Variants in HELLS observed in about 807,000 individuals in gnomAD.
HELLS encodes lymphoid-specific helicase.
A neutral mutation model predicts 120.0 loss-of-function variants in HELLS; 32 were observed. That is an observed-to-expected ratio of 0.27 (90% CI 0.20 to 0.36). HELLS has a LOEUF of 0.36. HELLS is among the 10% of genes least tolerant of loss of function. The probability of loss-of-function intolerance (pLI) is 1.00; values close to 1 mark genes in which losing one functional copy is unlikely to be tolerated. For synonymous variants in HELLS, 341 were observed against 323.4 expected, an observed-to-expected ratio of 1.05 and a Z score of -0.58; for missense variants, 650 against 993.4, an observed-to-expected ratio of 0.65 and a Z score of 4.65.
intron 13 of HELLS, among the ~76,000 whole-genome samples, chr10:94,589,671 TC>T (rs886442045): frequency 1.4e-5 from 2 of 140,776 alleles, no homozygotes; most frequent in African/African-American, 2.7e-5. Context: ...CAGACTCTTC[TC>T]CCCCCGACTT....
chr10:94,565,812 A>T, intron 6 of HELLS, among the ~76,000 whole-genome samples: 1 of 152,210 alleles, frequency 6.6e-6, no homozygotes, highest in Non-Finnish European at 1.5e-5. Context: ...TAGGTGGATG[A>T]AATCCATTAG....
intron 21 of HELLS, among the ~76,000 whole-genome samples, chr10:94,598,031 A>G (rs1845827684): frequency 6.6e-6 from 1 of 151,032 alleles, no homozygotes; most frequent in Non-Finnish European, 1.5e-5. Context: ...CAGTTTTTAG[A>G]ATACCACCTT....
At chr10:94,571,206 T>G (rs1169102337) in intron 6 of HELLS, 182 bp from the exon 7 acceptor site, 1 of 462,614 alleles carries the variant, frequency 2.2e-6, no homozygotes, top group East Asian at 4.1e-5. Flanking sequence ...GCCTAGAATG[T>G]TATGAAATAT....
chr10:94,594,612 C>A, intron 18 of HELLS, 83 bp from the exon 19 acceptor site: 1 of 1,025,324 alleles, frequency 9.8e-7, no homozygotes, highest in Non-Finnish European at 1.4e-6. Context: ...CTGGCTAGAT[C>A]ATTCATGTTG....
Position 94,548,034 on chromosome 10 carries a change from A to T in HELLS, c.153+1536A>T, listed in dbSNP as rs1014930019. ...CTTTTCTCATTCTTTGAATTTTCAT[A>T]GTACTTTATTACACAGAATTTACCA... On this transcript the variant is annotated intron_variant, in intron 2 of 21. Coordinates refer to ENST00000348459, the MANE Select transcript of HELLS (RefSeq NM_018063.5). 3.9e-5 allele frequency among the ~76,000 whole-genome samples: 6 copies of T among 152,192 alleles called. No individual in the cohort carries two copies. In the South Asian group the frequency reaches 1.0e-3, roughly 26 times the overall value.
chr10:94,574,871 C>T (rs1255736629), intron 9 of HELLS, 135 bp downstream of exon 9: 1 of 636,700 alleles, frequency 1.6e-6, no homozygotes, highest in African/African-American at 1.9e-5. Flanking sequence ...TTGACTTACT[C>T]AATCTGCACA....
At chr10:94,556,695 G>A (rs1843282922) in intron 3 of HELLS, among the ~76,000 whole-genome samples, 1 of 152,062 alleles carries the variant, frequency 6.6e-6, no homozygotes, top group South Asian at 2.1e-4. Flanking sequence ...GTTGGTGATG[G>A]GTTCTTTTAG....
chr10:94,608,954 C>T (rs1369458680), intron 9 of HELLS, among the ~76,000 whole-genome samples: 1 of 144,832 alleles, frequency 6.9e-6, no homozygotes, highest in East Asian at 2.1e-4. Context: ...TCTTTCAGTA[C>T]AATATAAACA....
At chr10:94,598,578 G>C (rs1845856924) in intron 21 of HELLS, among the ~76,000 whole-genome samples, 1 of 147,684 alleles carries the variant, frequency 6.8e-6, no homozygotes, top group Non-Finnish European at 1.5e-5. Context: ...GTGTCTTATT[G>C]AATCAAAATA....
At chr10:94,577,206 C>T (rs556933664) in intron 10 of HELLS, 1 of 299,102 alleles carries the variant, frequency 3.3e-6, no homozygotes, top group Non-Finnish European at 6.5e-6. Context: ...ATTTTCGTTT[C>T]TATTTTCTTG....
intron 13 of HELLS, among the ~76,000 whole-genome samples, chr10:94,589,425 C>G (rs1038940630): frequency 7.2e-5 from 11 of 152,152 alleles, no homozygotes; most frequent in Non-Finnish European, 1.5e-4. Context: ...GATGTTCTAC[C>G]TGTACAGTTT....
chr10:94,610,142 A>C (rs1177517786), exon 10 of HELLS: 1 of 152,000 alleles, frequency 6.6e-6, no homozygotes, highest in Non-Finnish European at 1.5e-5. Flanking sequence ...AAAATATCCC[A>C]CTGTTGCTAA....
chr10:94,606,581 C>A (rs1846132181), downstream of HELLS, among the ~76,000 whole-genome samples: 1 of 151,642 alleles, frequency 6.6e-6, no homozygotes, highest in Non-Finnish European at 1.5e-5. Context: ...AATTCCTGTT[C>A]TCAGAGGGTC....
chr10:94,560,674 G>C (rs1843507327), intron 4 of HELLS, among the ~76,000 whole-genome samples: 2 of 152,046 alleles, frequency 1.3e-5, no homozygotes, highest in Middle Eastern at 3.4e-3. Flanking sequence ...TCTAGTCTGG[G>C]CCACAGAGGG....
In HELLS at chr10:94,587,532, A is replaced by G. The variant is rs1564609889; in HGVS notation, c.1327-697A>G. Among the ~76,000 whole-genome samples, 4 of 152,038 alleles carry G rather than the reference A, an allele frequency of 2.6e-5. No homozygotes were observed. The South Asian group carries it at 8.3e-4, about 32-fold the overall frequency. ...AACCTCTGCCTTCCAGGTTCAAACA[A>G]TTCTCCTGCCTCAGCCTCTTGAGTA... is the stretch of plus-strand genomic sequence containing the variant. On this transcript the variant is annotated intron_variant, in intron 12 of 21. Coordinates refer to ENST00000348459, the MANE Select transcript of HELLS (RefSeq NM_018063.5).
intron 6 of HELLS, 179 bp from the exon 7 acceptor site, chr10:94,571,209 T>C (rs1390277082): frequency 4.5e-5 from 21 of 468,608 alleles, no homozygotes; most frequent in African/African-American, 2.6e-4. Context: ...TAGAATGTTA[T>C]GAAATATTAT....
At chr10:94,562,264 G>T (rs1342298768) in intron 4 of HELLS, among the ~76,000 whole-genome samples, 1 of 152,070 alleles carries the variant, frequency 6.6e-6, no homozygotes, top group Non-Finnish European at 1.5e-5. Flanking sequence ...TTAGCCGGGC[G>T]TGGTGGCAGG....
chr10:94,565,603 T>C (rs1425569264), intron 6 of HELLS, among the ~76,000 whole-genome samples: 1 of 150,320 alleles, frequency 6.7e-6, no homozygotes, highest in East Asian at 2.0e-4. Flanking sequence ...GGCAGGAGAA[T>C]TGCTTGAACC....
intron 19 of HELLS, among the ~76,000 whole-genome samples, chr10:94,595,171 T>A (rs1354865191): frequency 6.6e-6 from 1 of 151,804 alleles, no homozygotes; most frequent in Non-Finnish European, 1.5e-5. Flanking sequence ...GAGGTTGCAG[T>A]GAGCCGAGAT....
Sources: allele counts gnomAD v4.1 joint callset (sites outside exome capture counted in the v4.1 genomes callset), GRCh38; gene constraint gnomAD v4.1.1; transcripts MANE v1.5; gene names NCBI Gene and HGNC (gene_info 2026-07-23, HGNC 2026-07-21).